Variants in XRRA1 observed in about 807,000 individuals in gnomAD.
The protein encoded by XRRA1 is X-ray radiation resistance-associated protein 1.
Under a neutral mutation model 80.2 loss-of-function variants are expected in XRRA1, and 69 were observed. The observed-to-expected ratio is 0.86, with a 90% CI of 0.71 to 1.05. XRRA1 has a LOEUF of 1.05. Ranked by LOEUF, XRRA1 falls within the 50% of genes least tolerant of loss-of-function variation. XRRA1 has a pLI of 0.00. For synonymous variants in XRRA1, 348 were observed against 389.9 expected (o/e 0.89, Z 1.27); for missense variants, 967 against 976.4 (o/e 0.99, Z 0.13).
At chr11:74,900,410 C>G (rs1435845032) in intron 10 of XRRA1, among the ~76,000 whole-genome samples, 3 of 151,786 alleles carry the variant, frequency 2.0e-5, no homozygotes, top group Admixed American at 2.0e-4. Flanking sequence ...TGGAGAAACC[C>G]CATGTCTACT....
chr11:74,890,306 G>T (rs2050292320), intron 10 of XRRA1, among the ~76,000 whole-genome samples: 1 of 152,166 alleles, frequency 6.6e-6, no homozygotes, highest in Non-Finnish European at 1.5e-5. Context: ...TGACTACTGG[G>T]TACACAACGA....
intron 1 of XRRA1, among the ~76,000 whole-genome samples, chr11:74,945,594 G>A (rs539791893): frequency 8.8e-6 from 1 of 113,802 alleles, no homozygotes; most frequent in Non-Finnish European, 1.9e-5. Context: ...ACAACTAATG[G>A]GCCAAGAAGG....
chr11:74,932,898 A>G (rs1352033528), intron 5 of XRRA1, among the ~76,000 whole-genome samples: 1 of 152,240 alleles, frequency 6.6e-6, no homozygotes, highest in East Asian at 1.9e-4. Context: ...CCTGTGGGTT[A>G]GAGCCTCTAC....
chr11:74,873,040 T>C (rs1453019582), intron 10 of XRRA1, among the ~76,000 whole-genome samples: 1 of 152,154 alleles, frequency 6.6e-6, no homozygotes, highest in Non-Finnish European at 1.5e-5. Context: ...GCCAGCATCC[T>C]TATAGCCCCA....
intron 10 of XRRA1, among the ~76,000 whole-genome samples, chr11:74,905,998 T>G (rs1377884522): frequency 6.6e-6 from 1 of 152,198 alleles, no homozygotes; most frequent in African/African-American, 2.4e-5. Context: ...GAAATAAAAC[T>G]TCCAAAACAC....
chr11:74,870,610 G>A (rs892363408), intron 10 of XRRA1, among the ~76,000 whole-genome samples: 10 of 152,008 alleles, frequency 6.6e-5, no homozygotes, highest in African/African-American at 1.5e-4. Context: ...CCCTTTCCCT[G>A]GCAGTGAGCA....
rs1478134862 is a variant in XRRA1 at position 74,841,977 on chromosome 11, G to A, written c.*1223C>T. The A allele has an allele frequency of 6.6e-6, 1 of 151,792 alleles. No homozygotes were observed. The highest frequency in any genetic ancestry group is 2.4e-5 in the African/African-American group (1 of 41,256). The allele number at this position is 151,792 out of a possible 1,614,324, so 9.4% of individuals were successfully genotyped here. On this transcript the variant is annotated 3_prime_UTR_variant, in exon 19 of 19. Transcript: ENST00000684022. ...TAGTGAGAGAATAGATACTATGCAA[G>A]GGAAAAAAATTTAAATGCCAACGAA...
intron 3 of XRRA1, among the ~76,000 whole-genome samples, chr11:74,939,963 T>C (rs1165301241): frequency 1.3e-5 from 2 of 152,008 alleles, no homozygotes; most frequent in Non-Finnish European, 2.9e-5. Context: ...GATAGGTAGG[T>C]GGCCAGGGAA....
intron 15 of XRRA1, among the ~76,000 whole-genome samples, chr11:74,847,828 C>G (rs1421309718): frequency 6.6e-6 from 1 of 152,226 alleles, no homozygotes; most frequent in Non-Finnish European, 1.5e-5. Flanking sequence ...GCAAACCCCT[C>G]TGAAAAACTA....
chr11:74,943,555 G>A (rs1263815916), intron 2 of XRRA1, among the ~76,000 whole-genome samples: 1 of 148,136 alleles, frequency 6.8e-6, no homozygotes, highest in Non-Finnish European at 1.5e-5. Context: ...GTGTGTGTGT[G>A]TGTGTGTATG....
intron 7 of XRRA1, among the ~76,000 whole-genome samples, 159 bp downstream of exon 7, chr11:74,927,232 A>C (rs1481310856): frequency 1.1e-4 from 17 of 148,274 alleles, no homozygotes; most frequent in Admixed American, 4.1e-4. Flanking sequence ...TACCCTTACA[A>C]CCCCCACCCC....
At chr11:74,902,632 G>A (rs2053777263) in intron 10 of XRRA1, among the ~76,000 whole-genome samples, 1 of 152,310 alleles carries the variant, frequency 6.6e-6, no homozygotes, top group Admixed American at 6.5e-5. Flanking sequence ...GGATGGAACT[G>A]GAGGTCCCTA....
At chr11:74,860,127 T>G (rs980291417) in intron 11 of XRRA1, among the ~76,000 whole-genome samples, 1 of 152,236 alleles carries the variant, frequency 6.6e-6, no homozygotes, top group African/African-American at 2.4e-5. Context: ...TGCTTGTTCA[T>G]TCAGTGAACA....
intron 10 of XRRA1, among the ~76,000 whole-genome samples, chr11:74,888,367 T>C (rs761481812): frequency 2.0e-5 from 3 of 152,216 alleles, no homozygotes; most frequent in Non-Finnish European, 4.4e-5. Flanking sequence ...GGGTCCTGAC[T>C]GTTAGAAGGA....
intron 10 of XRRA1, 53 bp from the exon 11 acceptor site, chr11:74,863,074 T>C (rs1334775080): frequency 1.3e-6 from 2 of 1,530,164 alleles, no homozygotes; most frequent in African/African-American, 2.7e-5. Flanking sequence ...GATTGATGCC[T>C]AGAGCACCCA....
chr11:74,933,282 CAG>C (rs1177579024), intron 5 of XRRA1: 1 of 150,878 alleles, frequency 6.6e-6, no homozygotes, highest in African/African-American at 2.4e-5. Context: ...TTTTTGGTGA[CAG>C]AGTCTCACTG....
chr11:74,893,255 A>T (rs1482726493), intron 10 of XRRA1, among the ~76,000 whole-genome samples: 1 of 152,246 alleles, frequency 6.6e-6, no homozygotes, highest in Non-Finnish European at 1.5e-5. Context: ...TGTCCTTTGT[A>T]GGGACATGTA....
intron 10 of XRRA1, among the ~76,000 whole-genome samples, chr11:74,864,506 G>T (rs1200079060): frequency 6.6e-6 from 1 of 152,226 alleles, no homozygotes; most frequent in African/African-American, 2.4e-5. Context: ...TTGAAGGATT[G>T]TTTTGAGGGT....
intron 7 of XRRA1, among the ~76,000 whole-genome samples, chr11:74,926,982 C>T (rs561449247): frequency 8.2e-4 from 125 of 152,012 alleles, no homozygotes; most frequent in Non-Finnish European, 1.6e-3. Context: ...CTAGTTCAGC[C>T]GATCCAATCT....
Sources: allele counts gnomAD v4.1 joint callset (sites outside exome capture counted in the v4.1 genomes callset), GRCh38; gene constraint gnomAD v4.1.1; transcripts MANE v1.5; gene names NCBI Gene and HGNC (gene_info 2026-07-23, HGNC 2026-07-21).